The following SORCS1 variants were observed in gnomAD, a reference collection of about 807,000 sequenced individuals.
The protein encoded by SORCS1 is VPS10 domain-containing receptor SorCS1.
Under a neutral mutation model 146.1 loss-of-function variants are expected in SORCS1, and 60 were observed. The ratio of observed to expected loss-of-function variants is 0.41; its 90% CI spans 0.33 to 0.51. The LOEUF (loss-of-function observed/expected upper bound fraction) is 0.51. Ranked by LOEUF, SORCS1 falls within the 20% of genes least tolerant of loss-of-function variation. The pLI, the probability that SORCS1 is intolerant of heterozygous loss-of-function variation, is 0.21. For synonymous variants in SORCS1, 637 were observed against 584.0 expected (o/e 1.09, Z -1.31); for missense variants, 1,352 against 1,487.6 (o/e 0.91, Z 1.50).
chr10:106,717,834 G>A (rs928150376), intron 6 of SORCS1, among the ~76,000 whole-genome samples: 1 of 152,184 alleles, frequency 6.6e-6, no homozygotes, highest in East Asian at 1.9e-4. Context: ...GAAGTGCTAT[G>A]GGCTTGCCGG....
chr10:106,702,856 T>C (rs1030104720), intron 8 of SORCS1, among the ~76,000 whole-genome samples: 3 of 152,306 alleles, frequency 2.0e-5, no homozygotes, highest in South Asian at 4.1e-4. Flanking sequence ...AGATTTTGTA[T>C]TGAAGCATTT....
chr10:106,872,127 C>T (rs560207967), intron 2 of SORCS1, among the ~76,000 whole-genome samples: 2 of 152,152 alleles, frequency 1.3e-5, no homozygotes, highest in East Asian at 3.9e-4. Context: ...ATGGTACATA[C>T]CATGAAGAAA....
At chr10:106,692,211 T>C (rs1479705881) in intron 9 of SORCS1, among the ~76,000 whole-genome samples, 1 of 152,034 alleles carries the variant, frequency 6.6e-6, no homozygotes, top group Non-Finnish European at 1.5e-5. Flanking sequence ...CCAGCTAATT[T>C]TGGGTTCTTT....
At chr10:106,784,825 G>A (rs1004441626) in intron 3 of SORCS1, among the ~76,000 whole-genome samples, 1 of 152,202 alleles carries the variant, frequency 6.6e-6, no homozygotes, top group East Asian at 1.9e-4. Context: ...GAGCAGGAAA[G>A]AGAAGCTATC....
At chr10:107,052,940 A>C (rs17122000) in intron 1 of SORCS1, among the ~76,000 whole-genome samples, 1,620 of 152,144 alleles carry the variant, frequency 0.011, 14 homozygotes, top group South Asian at 0.028. Context: ...TTTCTCCTCT[A>C]GCCATTTTTA....
intron 24 of SORCS1, 152 bp downstream of exon 24, chr10:106,597,199 A>G (rs1428214539): frequency 1.6e-6 from 1 of 640,284 alleles, no homozygotes; most frequent in African/African-American, 1.8e-5. Context: ...ATTAAGGCAG[A>G]AACACCAAGC....
Position 106,761,622 on chromosome 10 carries a change from T to C in SORCS1, c.925A>G (p.Ile309Val). 2 of 1,614,212 alleles carry C rather than the reference T, an allele frequency of 1.2e-6. No individual in the cohort carries two copies. The highest frequency in any genetic ancestry group is 8.5e-7 in the Non-Finnish European group (1 of 1,180,028). ...SAEFGRRWQL[I>V]QEGVVPNRFY... ...CTGTTTGGTACAACCCCTTCTTGGA[T>C]AAGCTGCCATCTTCTCCCAAATTCA... The change falls in exon 5 of 26, where the codon ATC (isoleucine) becomes GTC (valine). Residue 309 changes from isoleucine (I) to valine (V), a missense_variant. By Grantham distance (29) the Ile-to-Val change is conservative. Around this residue, in one of 3 missense-constraint regions of SORCS1, gnomAD observed 490 missense variants for 489.1 expected, o/e 1.00. Coordinates refer to ENST00000263054, the MANE Select transcript of SORCS1 (RefSeq NM_052918.5).
At chr10:106,744,251 C>T (rs906021876) in intron 5 of SORCS1, among the ~76,000 whole-genome samples, 10 of 152,270 alleles carry the variant, frequency 6.6e-5, no homozygotes, top group Admixed American at 5.9e-4. Context: ...ACTACAGGCG[C>T]CCGCCACCAG....
At position 107,164,528 on chromosome 10, in the gene SORCS1, G is replaced by T; in HGVS notation, c.-2C>A. ...GCCGCCGGCGCCAACTTTTCCCATC[G>T]CGGGAGCGAAGAGCAGCGGAGAGAG... On this transcript the variant is annotated 5_prime_UTR_variant, in exon 1 of 26. Transcript: ENST00000263054. This position sits in a 1 kb window ranked among gnomAD's most constrained non-coding sequence, Gnocchi z 6.8. 1 of 1,346,118 alleles carries T rather than the reference G, an allele frequency of 7.4e-7. No homozygotes were observed. Among genetic ancestry groups the T allele is most frequent in the Non-Finnish European group, 9.5e-7 (1 of 1,056,592 alleles). The allele number at this position is 1,346,118 out of a possible 1,614,324, so 83.4% of individuals were successfully genotyped here.
intron 2 of SORCS1, among the ~76,000 whole-genome samples, chr10:106,845,967 G>C (rs1474979134): frequency 7.7e-6 from 1 of 130,312 alleles, no homozygotes; most frequent in Non-Finnish European, 1.8e-5. Context: ...CCAGTACCAT[G>C]CTGTTTTAGT....
chr10:107,035,557 TA>T (rs1958871606), intron 1 of SORCS1, among the ~76,000 whole-genome samples: 1 of 152,178 alleles, frequency 6.6e-6, no homozygotes, highest in South Asian at 2.1e-4. Context: ...TGTATAGTGT[TA>T]AATCATCTGG....
At chr10:106,925,891 G>T (rs1952990029) in intron 2 of SORCS1, among the ~76,000 whole-genome samples, 1 of 152,114 alleles carries the variant, frequency 6.6e-6, no homozygotes, top group South Asian at 2.1e-4. Flanking sequence ...GGTTTATTGG[G>T]CTCTCTAAAA....
At chr10:107,114,908 C>T (rs950845339) in intron 1 of SORCS1, among the ~76,000 whole-genome samples, 6 of 152,062 alleles carry the variant, frequency 3.9e-5, no homozygotes, top group Non-Finnish European at 7.4e-5. Context: ...AGTAAAGTTA[C>T]AGGAAATAAT....
chr10:106,733,775 CA>C (rs1271910022), intron 5 of SORCS1, among the ~76,000 whole-genome samples: 2 of 152,130 alleles, frequency 1.3e-5, no homozygotes, highest in Non-Finnish European at 2.9e-5. Context: ...CATCTCTATC[CA>C]AAGACGTTGG....
intron 2 of SORCS1, among the ~76,000 whole-genome samples, chr10:106,855,729 T>A (rs1013774725): frequency 2.0e-5 from 3 of 152,218 alleles, no homozygotes; most frequent in Non-Finnish European, 4.4e-5. Context: ...CTTGATCTTT[T>A]CTTAGAATTT....
At chr10:106,580,513 G>A (rs1032916092) in intron 24 of SORCS1, among the ~76,000 whole-genome samples, 9 of 152,124 alleles carry the variant, frequency 5.9e-5, no homozygotes, top group African/African-American at 2.2e-4. Context: ...AGTGCAGCTC[G>A]TGCATAAAAG....
chr10:107,068,203 A>T (rs975164912), intron 1 of SORCS1, among the ~76,000 whole-genome samples: 10 of 152,112 alleles, frequency 6.6e-5, no homozygotes, highest in Non-Finnish European at 1.5e-4. Context: ...TTTTACTGCA[A>T]ATCTGGAATC....
chr10:106,817,114 T>C (rs986119553), intron 3 of SORCS1, among the ~76,000 whole-genome samples: 1 of 152,114 alleles, frequency 6.6e-6, no homozygotes, highest in African/African-American at 2.4e-5. Flanking sequence ...ATCACAGAGA[T>C]TCAAAAGAAA....
intron 17 of SORCS1, among the ~76,000 whole-genome samples, chr10:106,652,915 C>T (rs1229527527): frequency 6.6e-6 from 1 of 151,974 alleles, no homozygotes; most frequent in Non-Finnish European, 1.5e-5. Context: ...AATTCAAAGG[C>T]TATATAATTA....
Sources: allele counts gnomAD v4.1 joint callset (sites outside exome capture counted in the v4.1 genomes callset), GRCh38; gene constraint gnomAD v4.1.1; regional missense constraint gnomAD v4.1.1; non-coding constraint Gnocchi (gnomAD v3.1); transcripts MANE v1.5; gene names NCBI Gene and HGNC (gene_info 2026-07-23, HGNC 2026-07-21).